The following ATAD2 variants were observed in gnomAD, a reference collection of about 807,000 sequenced individuals.
The protein encoded by ATAD2 is ATPase family AAA domain containing 2.
A neutral mutation model predicts 168.9 loss-of-function variants in ATAD2; 62 were observed. The ratio of observed to expected loss-of-function variants is 0.37; its 90% CI spans 0.30 to 0.45. The LOEUF (loss-of-function observed/expected upper bound fraction) is 0.45, where lower values mean the gene tolerates loss of function less well. Among genes scored for constraint, ATAD2 ranks in the 20% least tolerant of loss-of-function variants. ATAD2 has a pLI of 1.00. For missense variants in ATAD2, 1,419 were observed against 1,667.8 expected (o/e 0.85, Z 2.60); for synonymous variants, 613 against 571.6 (o/e 1.07, Z -1.03).
At position 123,321,094 on chromosome 8, in the gene ATAD2, T is replaced by G; in HGVS notation, c.*40A>C. On this transcript the variant is annotated 3_prime_UTR_variant, in exon 28 of 28. Coordinates refer to ENST00000287394, the MANE Select transcript of ATAD2 (RefSeq NM_014109.4). ...GCGGACATGACAAAAATGACTTAAA[T>G]AGGAACTGAATATAAAGAATACTCG... The G allele has an allele frequency of 1.3e-6, 2 of 1,584,666 alleles. No individual in the cohort carries two copies. The highest frequency in any genetic ancestry group is 2.3e-5 in the South Asian group (2 of 87,810).
At chr8:123,368,826 GA>G (rs1586888507) in intron 8 of ATAD2, among the ~76,000 whole-genome samples, 2 of 152,242 alleles carry the variant, frequency 1.3e-5, no homozygotes, top group East Asian at 3.9e-4. Context: ...TGGAAAAATG[GA>G]ATAAACTACC....
chr8:123,391,287 C>A (rs975193812), intron 1 of ATAD2, among the ~76,000 whole-genome samples: 2 of 151,272 alleles, frequency 1.3e-5, no homozygotes, highest in Non-Finnish European at 1.5e-5. Flanking sequence ...CAACAAAAAA[C>A]AAACTTAGAC....
intron 1 of ATAD2, 123 bp downstream of exon 1, chr8:123,396,064 C>G: frequency 8.7e-7 from 1 of 1,147,038 alleles, no homozygotes; most frequent in Non-Finnish European, 1.2e-6. Context: ...TCCTCGACCA[C>G]ACTTCTCCCC....
chr8:123,367,608 C>T (rs1829022698), intron 8 of ATAD2, among the ~76,000 whole-genome samples: 1 of 152,098 alleles, frequency 6.6e-6, no homozygotes, highest in African/African-American at 2.4e-5. Context: ...TTACATTTCA[C>T]CACCAAAATA....
intron 1 of ATAD2, among the ~76,000 whole-genome samples, chr8:123,389,960 T>TTTTATATATATATATA (rs1392406832): frequency 5.1e-4 from 48 of 94,002 alleles, no homozygotes; most frequent in Non-Finnish European, 7.8e-4. Flanking sequence ...TACTATTATT[T>TTTTATATATATATATA]TATATATATA....
intron 26 of ATAD2, among the ~76,000 whole-genome samples, chr8:123,323,472 T>C (rs781518642): frequency 6.6e-5 from 10 of 152,186 alleles, no homozygotes; most frequent in Admixed American, 1.3e-4. Context: ...AATGGTGAAC[T>C]ACCTCACCAC....
chr8:123,357,522 T>C (rs1828688296), intron 12 of ATAD2, 40 bp downstream of exon 12: 2 of 1,553,022 alleles, frequency 1.3e-6, no homozygotes, highest in East Asian at 2.3e-5. Flanking sequence ...TCTGCCTAGA[T>C]TACAGAACTA....
In ATAD2 at chr8:123,371,356, A is replaced by G; in HGVS notation, c.537-18T>C. The G allele has an allele frequency of 6.4e-7, 1 of 1,555,154 alleles. No homozygotes were observed. The highest frequency in any genetic ancestry group is 8.7e-7 in the Non-Finnish European group (1 of 1,152,692). On this transcript the variant is annotated intron_variant, in intron 4 of 27. Coordinates refer to ENST00000287394, the MANE Select transcript of ATAD2 (RefSeq NM_014109.4). The stretch of plus-strand genomic sequence containing the variant: ...CAGCAGTGCTTTAAAAAAAAGATAT[A>G]AATGTAAGTGAAAATTGTAAAAGAG...
chr8:123,346,020 T>G, intron 18 of ATAD2, 66 bp downstream of exon 18: 3 of 1,260,540 alleles, frequency 2.4e-6, no homozygotes, highest in Non-Finnish European at 3.2e-6. Flanking sequence ...TACAAAAAAA[T>G]GGGGCAATTT....
chr8:123,399,008 A>T (rs1812962893), upstream of ATAD2, among the ~76,000 whole-genome samples: 1 of 152,122 alleles, frequency 6.6e-6, no homozygotes, highest in Non-Finnish European at 1.5e-5. Context: ...CACGCCTGTA[A>T]TCCCCCCACT....
chr8:123,409,565 T>C (rs979102891), intron 1 of ATAD2, among the ~76,000 whole-genome samples: 2 of 152,054 alleles, frequency 1.3e-5, no homozygotes, highest in African/African-American at 4.8e-5. Context: ...GAATCATACC[T>C]CACTACAGCT....
At chr8:123,355,415 A>T (rs1410915242) in intron 13 of ATAD2, among the ~76,000 whole-genome samples, 1 of 152,224 alleles carries the variant, frequency 6.6e-6, no homozygotes, top group East Asian at 1.9e-4. Flanking sequence ...AAGTTCTAAA[A>T]AACTGAAATG....
rs1827848912 is a variant in ATAD2 at position 123,334,030 on chromosome 8, T to C, written c.3335-9A>G. 12 of 1,606,044 alleles carry C rather than the reference T, an allele frequency of 7.5e-6. No individual in the cohort carries two copies. The highest frequency in any genetic ancestry group is 7.7e-6 in the Non-Finnish European group (9 of 1,175,320). On this transcript the variant is annotated splice_polypyrimidine_tract_variant and intron_variant, in intron 23 of 27. Coordinates refer to ENST00000287394, the MANE Select transcript of ATAD2 (RefSeq NM_014109.4). ...TTTGGAGGAGCTACAACCTTATAAA[T>C]AGATATGTGGGATGTCAAAAGGATT...
intron 2 of ATAD2, among the ~76,000 whole-genome samples, chr8:123,378,285 A>G (rs1243665008): frequency 6.6e-6 from 1 of 152,186 alleles, no homozygotes; most frequent in Non-Finnish European, 1.5e-5. Flanking sequence ...CTCCATAAAT[A>G]ATGGATAAGA....
chr8:123,347,516 T>C, intron 15 of ATAD2, 110 bp from the exon 16 acceptor site: 2 of 1,080,982 alleles, frequency 1.9e-6, no homozygotes, highest in Admixed American at 2.8e-5. Flanking sequence ...AGCCTCGGAA[T>C]ATAGTTAGCA....
At chr8:123,358,734 T>TC (rs1828722185) in intron 11 of ATAD2, among the ~76,000 whole-genome samples, 1 of 145,862 alleles carries the variant, frequency 6.9e-6, no homozygotes, top group African/African-American at 2.5e-5. Context: ...TTTTTTTTTT[T>TC]TTTTTTTTTT....
At chr8:123,360,898 T>C (rs1828795673) in intron 9 of ATAD2, among the ~76,000 whole-genome samples, 1 of 151,630 alleles carries the variant, frequency 6.6e-6, no homozygotes, top group African/African-American at 2.4e-5. Context: ...AGCCTTCCGT[T>C]TTCCTTAAGA....
At chr8:123,321,203 G>A in intron 27 of ATAD2, 28 bp from the exon 28 acceptor site, 1 of 1,584,370 alleles carries the variant, frequency 6.3e-7, no homozygotes, top group Non-Finnish European at 8.6e-7. Flanking sequence ...AGAGCAAATA[G>A]TAAGTTTCAA....
intron 1 of ATAD2, among the ~76,000 whole-genome samples, chr8:123,412,605 A>ATTT (rs1423406370): frequency 0.29 from 42,887 of 149,830 alleles, 6,767 homozygotes; most frequent in South Asian, 0.45. Flanking sequence ...ATTAAAAAAA[A>ATTT]TTTTTTTTTT....
Sources: gnomAD v4.1 joint callset for allele counts (sites outside exome capture counted in the v4.1 genomes callset) on GRCh38, gnomAD v4.1.1 for gene constraint, MANE v1.5 for transcripts, NCBI Gene and HGNC (gene_info 2026-07-23, HGNC 2026-07-21) for gene names.